ASIC2: variants seen among roughly 807,000 people sequenced by gnomAD.
ASIC2 encodes the protein acid-sensing ion channel 2.
A neutral mutation model predicts 57.3 loss-of-function variants in ASIC2; 25 were observed. That is an observed-to-expected ratio of 0.44 (90% CI 0.32 to 0.61). The LOEUF (loss-of-function observed/expected upper bound fraction) is 0.61, where lower values mean the gene tolerates loss of function less well. Among genes scored for constraint, ASIC2 ranks in the 20% least tolerant of loss-of-function variants. ASIC2 has a pLI of 0.06. For synonymous variants in ASIC2, 319 were observed against 307.5 expected, an observed-to-expected ratio of 1.04 and a Z score of -0.39; for missense variants, 641 against 738.1, an observed-to-expected ratio of 0.87 and a Z score of 1.52.
intron 1 of ASIC2, among the ~76,000 whole-genome samples, chr17:33,580,798 A>G (rs185594615): frequency 1.3e-5 from 2 of 152,232 alleles, no homozygotes; most frequent in African/African-American, 4.8e-5. Context: ...GATATGAAAA[A>G]TAACTAAGTT....
chr17:33,441,552 T>A (rs1911822492), intron 1 of ASIC2, among the ~76,000 whole-genome samples: 1 of 152,168 alleles, frequency 6.6e-6, no homozygotes, highest in African/African-American at 2.4e-5. Flanking sequence ...TGCCCCAAAA[T>A]ATGACACCAT....
At chr17:33,686,597 A>C (rs1908202100) in intron 1 of ASIC2, among the ~76,000 whole-genome samples, 1 of 152,048 alleles carries the variant, frequency 6.6e-6, no homozygotes, top group South Asian at 2.1e-4. Context: ...GAGAGAAGAG[A>C]GCTCTCTTGG....
rs1907994786 is a variant in ASIC2, at chr17:34,038,964, G to A, written c.555+117014C>T. The A allele has an allele frequency of 4.3e-6, 7 of 1,613,832 alleles. No individual in the cohort carries two copies. The Admixed American group carries it at 5.0e-5, about 12-fold the overall frequency. On this transcript the variant is annotated intron_variant, in intron 1 of 9. Coordinates refer to the ASIC2 transcript ENST00000359872. ...CACTGCTCAGTAAATTTGGCTCCGT[G>A]TCGGACGTAGTAAAGTAGCCCAGTC...
At chr17:33,041,550 C>T (rs1225279887) in intron 3 of ASIC2, among the ~76,000 whole-genome samples, 1 of 152,210 alleles carries the variant, frequency 6.6e-6, no homozygotes, top group Non-Finnish European at 1.5e-5. Context: ...TTCTCCCAGC[C>T]CCAGACCAGA....
chr17:33,394,668 T>G (rs932242559), intron 1 of ASIC2, among the ~76,000 whole-genome samples: 1 of 152,096 alleles, frequency 6.6e-6, no homozygotes, highest in African/African-American at 2.4e-5. Context: ...GAGGCAAAAT[T>G]TGTGGACAGT....
chr17:33,103,591 C>T (rs2092223362), intron 2 of ASIC2, among the ~76,000 whole-genome samples: 1 of 152,154 alleles, frequency 6.6e-6, no homozygotes, highest in Non-Finnish European at 1.5e-5. Context: ...GGGCACTCCT[C>T]AAGGGACTTC....
intron 1 of ASIC2, among the ~76,000 whole-genome samples, chr17:33,417,333 G>C (rs1391505685): frequency 6.6e-6 from 1 of 152,076 alleles, no homozygotes; most frequent in East Asian, 1.9e-4. Context: ...TCCAGTGATG[G>C]CAAAATCAAG....
At chr17:34,086,307 A>G (rs1405726680) in intron 1 of ASIC2, among the ~76,000 whole-genome samples, 2 of 152,254 alleles carry the variant, frequency 1.3e-5, no homozygotes, top group Middle Eastern at 3.4e-3. Flanking sequence ...CCAAGTAGTC[A>G]TTCAGGAGCA....
rs139592169 is a variant in ASIC2 at position 34,021,157 on chromosome 17, C to T, written c.555+134821G>A. ...GGTACTGTGTACACTGCTTGGGTGA[C>T]GGGTGCACCAAAATCTCAGAAATCA... On this transcript the variant is annotated intron_variant, in intron 1 of 9. Coordinates refer to the ASIC2 transcript ENST00000359872. Among the ~76,000 whole-genome samples the T allele has an allele frequency of 6.0e-3, 908 of 151,990 alleles. 10 individuals carry two copies. Among genetic ancestry groups the T allele is most frequent in the Non-Finnish European group, 0.01 (689 of 67,970 alleles).
At chr17:33,137,701 G>A (rs1258158687) in intron 1 of ASIC2, among the ~76,000 whole-genome samples, 1 of 152,232 alleles carries the variant, frequency 6.6e-6, no homozygotes, top group African/African-American at 2.4e-5. Context: ...GCTGGCAGAT[G>A]TTCTTGGGCA....
At chr17:33,203,115 C>T (rs528640885) in intron 1 of ASIC2, among the ~76,000 whole-genome samples, 7 of 152,310 alleles carry the variant, frequency 4.6e-5, no homozygotes, top group African/African-American at 1.7e-4. Context: ...TGGCTAAACA[C>T]CTAGGAGCCC....
chr17:33,708,025 A>G (rs1481059795), intron 1 of ASIC2, among the ~76,000 whole-genome samples: 3 of 152,202 alleles, frequency 2.0e-5, no homozygotes, highest in Non-Finnish European at 2.9e-5. Context: ...TTCTTGAGTT[A>G]TAAGTTCCTC....
At chr17:34,149,413 C>T (rs1342757833) in intron 1 of ASIC2, among the ~76,000 whole-genome samples, 2 of 152,108 alleles carry the variant, frequency 1.3e-5, no homozygotes, top group Non-Finnish European at 1.5e-5. Flanking sequence ...TAAATAATAA[C>T]AATAATGGGA....
At chr17:33,895,536 CG>C (rs1240633463) in intron 1 of ASIC2, among the ~76,000 whole-genome samples, 1 of 152,144 alleles carries the variant, frequency 6.6e-6, no homozygotes, top group Non-Finnish European at 1.5e-5. Flanking sequence ...TTGTAGTGCC[CG>C]GACTGAGACC....
intron 1 of ASIC2, among the ~76,000 whole-genome samples, chr17:33,693,766 A>G (rs1272457910): frequency 6.6e-6 from 1 of 152,240 alleles, no homozygotes; most frequent in Non-Finnish European, 1.5e-5. Context: ...AAGACTTGGT[A>G]TAGGTCAAGG....
At chr17:33,849,724 A>G (rs531433554) in intron 1 of ASIC2, among the ~76,000 whole-genome samples, 3 of 152,314 alleles carry the variant, frequency 2.0e-5, no homozygotes, top group African/African-American at 7.2e-5. Flanking sequence ...AGGGAATAGC[A>G]CTGTCAAAGC....
At chr17:34,121,059 T>C (rs1294932725) in intron 1 of ASIC2, among the ~76,000 whole-genome samples, 2 of 151,870 alleles carry the variant, frequency 1.3e-5, no homozygotes, top group East Asian at 3.9e-4. Flanking sequence ...GTCCTCCTAA[T>C]AAGAGGAGAA....
chr17:34,050,503 A>G (rs1025690736), intron 1 of ASIC2, among the ~76,000 whole-genome samples: 10 of 152,202 alleles, frequency 6.6e-5, no homozygotes, highest in African/African-American at 2.4e-4. Flanking sequence ...TCAGAATCAC[A>G]GAACTCAAAG....
rs1040871231 is a variant in ASIC2 at position 33,925,644 on chromosome 17, G to C, written c.555+230334C>G. Among the ~76,000 whole-genome samples the C allele has an allele frequency of 1.3e-5, 2 of 152,196 alleles. 1 individual carries two copies. The highest frequency in any genetic ancestry group is 4.8e-5 in the African/African-American group (2 of 41,430). On this transcript the variant is annotated intron_variant, in intron 1 of 9. Coordinates refer to the ASIC2 transcript ENST00000359872. The stretch of plus-strand genomic sequence containing the variant: ...TCCACATTCTGGGATTGGGCACCAC[G>C]TTCCCCTCATGGCTGGGGCAGCTCT...
Sources: gnomAD v4.1 joint callset for allele counts (sites outside exome capture counted in the v4.1 genomes callset) on GRCh38, gnomAD v4.1.1 for gene constraint, MANE v1.5 for transcripts, NCBI Gene and HGNC (gene_info 2026-07-23, HGNC 2026-07-21) for gene names.